RDH11: variants seen among roughly 807,000 people sequenced by gnomAD.
The protein encoded by RDH11 is retinol dehydrogenase 11, also known as HCV core-binding protein HCBP12.
Under a neutral mutation model 33.4 loss-of-function variants are expected in RDH11, and 19 were observed. The ratio of observed to expected loss-of-function variants is 0.57; its 90% CI spans 0.40 to 0.83. The LOEUF (loss-of-function observed/expected upper bound fraction) is 0.83, where lower values mean the gene tolerates loss of function less well. RDH11 is among the 40% of genes least tolerant of loss of function. RDH11 has a pLI of 0.00. For missense variants in RDH11, 353 were observed against 389.0 expected (o/e 0.91, Z 0.78); for synonymous variants, 154 against 155.3 (o/e 0.99, Z 0.06).
intron 6 of RDH11, among the ~76,000 whole-genome samples, chr14:67,680,704 C>T (rs1195684562): frequency 1.3e-5 from 2 of 152,130 alleles, no homozygotes; most frequent in East Asian, 3.9e-4. Context: ...AGTAGTTTGC[C>T]CACCTCAGCC....
intron 3 of RDH11, 79 bp from the exon 4 acceptor site, chr14:67,691,323 T>A: frequency 2.2e-6 from 2 of 905,004 alleles, no homozygotes; most frequent in Non-Finnish European, 3.6e-6. Flanking sequence ...ACGCTCAGGC[T>A]TTGAAAATGA....
At chr14:67,686,178 T>G (rs1040810416) in intron 5 of RDH11, 2 of 152,232 alleles carry the variant, frequency 1.3e-5, no homozygotes, top group African/African-American at 4.8e-5. Context: ...GTAGACAGAC[T>G]GCCCAGTTTC....
intron 2 of RDH11, 86 bp downstream of exon 2, chr14:67,692,848 T>G (rs2037768351): frequency 9.3e-7 from 1 of 1,077,476 alleles, no homozygotes; most frequent in Admixed American, 2.0e-5. Context: ...ATTCCAAAAC[T>G]GGGAAGAAAC....
chr14:67,690,402 A>G lies in RDH11; in HGVS notation c.474T>C (p.His158=). Reference sequence around the variant, plus strand: ...ATTCCTTTAGTTTCTCTAGCAGCAGATGGGTTAGGAGGAAGTGACCTGTTG... The same window carrying G: ...ATTCCTTTAGTTTCTCTAGCAGCAGGTGGGTTAGGAGGAAGTGACCTGTTG... ...VNHLGHFLLT[H]LLLEKLKESA... Residue 158 remains histidine, a synonymous_variant, in exon 5 of 7, where the codon CAT becomes CAC. Coordinates refer to ENST00000381346, the MANE Select transcript of RDH11 (RefSeq NM_016026.4). 3.7e-6 allele frequency: 6 copies of G among 1,614,170 alleles called. No homozygotes were observed. The highest frequency in any genetic ancestry group is 5.1e-6 in the Non-Finnish European group (6 of 1,180,006).
chr14:67,691,998 G>C (rs886746778), intron 3 of RDH11: 2 of 155,780 alleles, frequency 1.3e-5, no homozygotes, highest in Admixed American at 6.3e-5. Flanking sequence ...AAACTTCTTT[G>C]TCATGTCTCT....
chr14:67,687,467 CTTTT>C (rs67069556), intron 5 of RDH11, among the ~76,000 whole-genome samples: 4 of 79,702 alleles, frequency 5.0e-5, no homozygotes, highest in Non-Finnish European at 5.2e-5. Flanking sequence ...CTCCATATTC[CTTTT>C]TTTTTTTTTT....
In RDH11 at chr14:67,678,352, C is replaced by A; in HGVS notation, c.926G>T (p.Ser309Ile). 7.4e-6 allele frequency: 12 copies of A among 1,614,074 alleles called. No homozygotes were observed. The highest frequency in any genetic ancestry group is 1.0e-5 in the Non-Finnish European group (12 of 1,179,926). The change falls in exon 7 of 7, where the codon AGT becomes ATT. Residue 309 changes from serine (S) to isoleucine (I), a missense_variant. Coordinates refer to ENST00000381346, the MANE Select transcript of RDH11 (RefSeq NM_016026.4). ...TATTGGGAGGCCCAGCAGGTCACAA[C>A]TGACGTCCCACAGCCGCCTTGCTAT... Reference protein sequence around the residue: ...ETIARRLWDVSCDLLGLPID With the variant: ...ETIARRLWDVICDLLGLPID
rs1173458522 is a variant in RDH11, at chr14:67,695,751, G to A, written c.-48C>T. ...AGAGCGGGATGCTCCAGCGTTGCTC[G>A]CCGACTATGGCTTCTCTTTCTAGAC... On this transcript the variant is annotated 5_prime_UTR_variant, in exon 1 of 7. Transcript: ENST00000381346. The A allele has an allele frequency of 5.2e-6, 8 of 1,551,218 alleles. No individual in the cohort carries two copies. The South Asian group carries it at 5.6e-5, about 11-fold the overall frequency.
intron 5 of RDH11, among the ~76,000 whole-genome samples, chr14:67,685,822 G>GC (rs2037671287): frequency 6.6e-6 from 1 of 151,568 alleles, no homozygotes; most frequent in Admixed American, 6.6e-5. Flanking sequence ...CATCATGTTG[G>GC]CCAGACTGGT....
intron 6 of RDH11, chr14:67,684,787 G>T (rs1045559281): frequency 2.5e-5 from 9 of 364,212 alleles, no homozygotes; most frequent in African/African-American, 1.7e-4. Flanking sequence ...AAGACAGGAA[G>T]AAAACAAACA....
chr14:67,691,118 G>A, intron 4 of RDH11, 22 bp downstream of exon 4: 1 of 1,550,732 alleles, frequency 6.4e-7, no homozygotes, highest in Non-Finnish European at 8.9e-7. Flanking sequence ...CTCTAGCTTT[G>A]TGATAAGGCC....
chr14:67,694,431 A>AATATAT (rs144995720), intron 1 of RDH11, among the ~76,000 whole-genome samples: 109 of 140,106 alleles, frequency 7.8e-4, no homozygotes, highest in African/African-American at 2.2e-3. Context: ...CAGCTCCTGG[A>AATATAT]ATATATATAT....
At position 67,691,003 on chromosome 14, in the gene RDH11, G is replaced by T. The variant is rs2037742329; in HGVS notation, c.454+137C>A. On this transcript the variant is annotated intron_variant, in intron 4 of 6. Coordinates refer to ENST00000381346, the MANE Select transcript of RDH11 (RefSeq NM_016026.4). ...CAGGTATTCCTCAGCTATCAGGTAG[G>T]ACCAAACTATTATGCACACATGGTC... 7 of 667,674 alleles carry T rather than the reference G, an allele frequency of 1.0e-5. No homozygotes were observed. The Admixed American group carries it at 1.1e-4, about 11-fold the overall frequency. 41.4% of individuals were successfully genotyped at this position (667,674 alleles called of 1,614,324 possible).
At chr14:67,692,175 T>C (rs2037758377) in intron 3 of RDH11, 2 of 410,524 alleles carry the variant, frequency 4.9e-6, no homozygotes, top group Non-Finnish European at 8.8e-6. Flanking sequence ...AAAAAGCCTG[T>C]ACTGAGTGCT....
Position 67,695,712 on chromosome 14 carries a change from G to A in RDH11, c.-9C>T, listed in dbSNP as rs749376917. The A allele has an allele frequency of 2.5e-6, 4 of 1,613,490 alleles. No individual in the cohort carries two copies. The highest frequency in any genetic ancestry group is 3.4e-6 in the Non-Finnish European group (4 of 1,179,524). On this transcript the variant is annotated 5_prime_UTR_variant, in exon 1 of 7. Transcript: ENST00000381346. ...AACATGAGCTCAACCATCTCTGCCG[G>A]CTGCAGCGGCACCAGAGCGGGATGC...
rs1234827350 is a variant in RDH11, at chr14:67,685,119, C to A, written c.750G>T (p.Trp250Cys). 6.2e-7 allele frequency: 1 copy of A among 1,614,162 alleles called. No individual in the cohort carries two copies. The highest frequency in any genetic ancestry group is 1.7e-5 in the Admixed American group (1 of 60,020). Residue 250 changes from tryptophan to cysteine, a missense_variant, in exon 6 of 7, where the codon TGG (tryptophan) becomes TGT (cysteine). Trp to Cys is a radical substitution (Grantham distance 215, BLOSUM62 -2). Transcript: ENST00000381346. Reference protein sequence around the residue: ...VRHSSFMRWMWWLFSFFIKTP... With the variant: ...VRHSSFMRWMCWLFSFFIKTP... The stretch of plus-strand genomic sequence containing the variant: ...TCTTGATGAAAAAGGAGAAAAGCCA[C>A]CACATCCATCTCATGAAAGATGAGT...
chr14:67,694,230 A>G (rs955437641), intron 1 of RDH11, among the ~76,000 whole-genome samples: 4 of 152,050 alleles, frequency 2.6e-5, no homozygotes, highest in Non-Finnish European at 5.9e-5. Flanking sequence ...CCCACAAACC[A>G]TCACCTCCCT....
In RDH11 at chr14:67,677,533, G is replaced by C. The variant is rs575892361; in HGVS notation, c.*788C>G. 3 of 151,540 alleles carry C rather than the reference G, an allele frequency of 2.0e-5. No individual in the cohort carries two copies. The South Asian group carries it at 6.3e-4, about 32-fold the overall frequency. The allele number at this position is 151,540 out of a possible 1,614,324, so 9.4% of individuals were successfully genotyped here. A position where few individuals can be genotyped will look rare whatever the true frequency, so the allele number is the denominator to read the frequency against. On this transcript the variant is annotated 3_prime_UTR_variant, in exon 7 of 7. Transcript: ENST00000381346. ...TAAAGGGCTAGTTAATCCTTAACTAGTCCCTTCATTTTGTGCATTATCTTC... is the reference window on the plus strand; with the variant it reads ...TAAAGGGCTAGTTAATCCTTAACTACTCCCTTCATTTTGTGCATTATCTTC...
At chr14:67,693,175 A>G in intron 1 of RDH11, 123 bp from the exon 2 acceptor site, 1 of 596,060 alleles carries the variant, frequency 1.7e-6, no homozygotes, top group Non-Finnish European at 2.9e-6. Flanking sequence ...TGTCCTTTTA[A>G]GGAAACAGTG....
Sources: allele counts gnomAD v4.1 joint callset (sites outside exome capture counted in the v4.1 genomes callset), GRCh38; gene constraint gnomAD v4.1.1; transcripts MANE v1.5; gene names NCBI Gene and HGNC (gene_info 2026-07-23, HGNC 2026-07-21).